HHAT: variants seen among roughly 807,000 people sequenced by gnomAD.
HHAT encodes protein-cysteine N-palmitoyltransferase HHAT.
In HHAT, 47 loss-of-function variants were observed where a neutral mutation model predicts 70.8. The ratio of observed to expected loss-of-function variants is 0.66; its 90% CI spans 0.53 to 0.85. The LOEUF (loss-of-function observed/expected upper bound fraction) is 0.85, where lower values mean the gene tolerates loss of function less well. Ranked by LOEUF, HHAT falls within the 40% of genes least tolerant of loss-of-function variation. HHAT has a pLI of 0.00. For synonymous variants in HHAT, 228 were observed against 247.6 expected, an observed-to-expected ratio of 0.92 and a Z score of 0.74; for missense variants, 609 against 604.8, an observed-to-expected ratio of 1.01 and a Z score of -0.07.
At chr1:210,572,223 G>A (rs1430511291) in intron 9 of HHAT, among the ~76,000 whole-genome samples, 3 of 152,206 alleles carry the variant, frequency 2.0e-5, no homozygotes, top group Non-Finnish European at 2.9e-5. Flanking sequence ...ATGAGAGGCA[G>A]TTGAAACTGT....
chr1:210,400,923 G>T (rs4844526), intron 5 of HHAT, among the ~76,000 whole-genome samples: 93,922 of 152,104 alleles, frequency 0.62, 29,329 homozygotes, highest in African/African-American at 0.69. Flanking sequence ...GGCATGTGGG[G>T]TGCCAGATGT....
intron 7 of HHAT, among the ~76,000 whole-genome samples, chr1:210,437,432 C>T (rs2093404634): frequency 6.6e-6 from 1 of 151,804 alleles, no homozygotes; most frequent in Admixed American, 6.5e-5. Context: ...TCTCTGGCCC[C>T]TCCAAAACAG....
intron 7 of HHAT, among the ~76,000 whole-genome samples, chr1:210,423,891 G>A (rs2092978796): frequency 6.6e-6 from 1 of 152,060 alleles, no homozygotes; most frequent in African/African-American, 2.4e-5. Flanking sequence ...CTTTTATATT[G>A]ATCTACATGC....
chr1:210,518,341 G>C (rs1285530136), intron 9 of HHAT, among the ~76,000 whole-genome samples: 1 of 151,950 alleles, frequency 6.6e-6, no homozygotes, highest in Non-Finnish European at 1.5e-5. Flanking sequence ...TGTGGTATTT[G>C]TCTTAGTTTG....
intron 7 of HHAT, among the ~76,000 whole-genome samples, chr1:210,430,139 T>C (rs1471832554): frequency 6.6e-6 from 1 of 151,954 alleles, no homozygotes; most frequent in Non-Finnish European, 1.5e-5. Flanking sequence ...GTAATTTTCC[T>C]TTTGGATGCT....
At chr1:210,651,542 G>A (rs1400108984) in intron 11 of HHAT, among the ~76,000 whole-genome samples, 1 of 152,176 alleles carries the variant, frequency 6.6e-6, no homozygotes, top group Non-Finnish European at 1.5e-5. Flanking sequence ...TGCGGCTTAC[G>A]ATGGAACCTC....
rs146235863 is a variant in HHAT at position 210,354,687 on chromosome 1, TTTAA to T, written c.91+5624_91+5627del. Among the ~76,000 whole-genome samples the T allele has an allele frequency of 7.2e-4, 109 of 152,246 alleles. 2 individuals are homozygous for T. In the East Asian group the frequency reaches 0.02, roughly 28 times the overall value. On this transcript the variant is annotated intron_variant, in intron 2 of 11. Transcript: ENST00000261458. ...TCACATATTAAATTCTTATATTCTGTTTAATTGATTTCTCAATCAATTCTTACAT... is the reference window on the plus strand; with the variant it reads ...TCACATATTAAATTCTTATATTCTGTTTGATTTCTCAATCAATTCTTACAT...
At chr1:210,656,155 CAT>C (rs1464890597) in intron 11 of HHAT, among the ~76,000 whole-genome samples, 1 of 152,198 alleles carries the variant, frequency 6.6e-6, no homozygotes, top group African/African-American at 2.4e-5. Flanking sequence ...TCTAGAGTGA[CAT>C]AGACTAAGTC....
intron 7 of HHAT, among the ~76,000 whole-genome samples, chr1:210,447,236 G>A (rs953694986): frequency 6.6e-6 from 1 of 152,196 alleles, no homozygotes; most frequent in African/African-American, 2.4e-5. Flanking sequence ...TATGGTGGTT[G>A]AGAGGAATAG....
chr1:210,453,538 C>A (rs1055022781), intron 7 of HHAT, among the ~76,000 whole-genome samples: 1 of 152,060 alleles, frequency 6.6e-6, no homozygotes, highest in African/African-American at 2.4e-5. Flanking sequence ...CCCCCTTTCT[C>A]TCCTTCCCCC....
chr1:210,373,225 CAGAG>C (rs1284758375), intron 3 of HHAT, among the ~76,000 whole-genome samples: 1 of 151,828 alleles, frequency 6.6e-6, no homozygotes, highest in South Asian at 2.1e-4. Context: ...TAACAAGACT[CAGAG>C]AGAAAGGGGG....
rs1430616111 is a variant in HHAT, at chr1:210,513,188, G to C, written c.1043G>C (p.Arg348Thr). ...GTTGGACTGCATAATTTCTTAATCAGGTAAGCCAATAATTTTTATTTTAGA... is the reference window on the plus strand; with the variant it reads ...GTTGGACTGCATAATTTCTTAATCACGTAAGCCAATAATTTTTATTTTAGA... Reference protein sequence around the residue: ...FDVGLHNFLIRYVYIPVGGSQ... With the variant: ...FDVGLHNFLITYVYIPVGGSQ... The change falls in exon 9 of 12, where the codon AGG becomes ACG. Residue 348 changes from arginine to threonine, a missense_variant and splice_region_variant. Arg to Thr is a moderately conservative substitution (Grantham distance 71). Coordinates refer to ENST00000261458, the MANE Select transcript of HHAT (RefSeq NM_018194.6). The C allele has an allele frequency of 2.0e-6, 3 of 1,480,344 alleles. No individual in the cohort carries two copies. Among genetic ancestry groups the C allele is most frequent in the East Asian group, 4.6e-5 (2 of 43,792 alleles). The allele number at this position is 1,480,344 out of a possible 1,614,324, so 91.7% of individuals were successfully genotyped here.
At chr1:210,639,687 T>C (rs1672613444) in intron 11 of HHAT, among the ~76,000 whole-genome samples, 1 of 152,224 alleles carries the variant, frequency 6.6e-6, no homozygotes, top group East Asian at 1.9e-4. Context: ...GGTAGCTGCA[T>C]TCCCCATTAT....
chr1:210,383,591 T>C (rs2090821206), intron 3 of HHAT, among the ~76,000 whole-genome samples: 1 of 152,134 alleles, frequency 6.6e-6, no homozygotes, highest in African/African-American at 2.4e-5. Context: ...TCCAAACCCA[T>C]AGAATATGCA....
At chr1:210,369,922 T>C (rs2089387738) in intron 3 of HHAT, 1 of 152,338 alleles carries the variant, frequency 6.6e-6, no homozygotes, top group Admixed American at 6.5e-5. Context: ...AAGTGCCATA[T>C]GCGGAGTCTG....
At chr1:210,393,825 C>T (rs748572340) in intron 4 of HHAT, among the ~76,000 whole-genome samples, 15 of 152,094 alleles carry the variant, frequency 9.9e-5, no homozygotes, top group African/African-American at 3.6e-4. Context: ...GCTGGTGGGC[C>T]GGGTTCTGCC....
chr1:210,437,125 CAG>C (rs2148344528), intron 7 of HHAT, among the ~76,000 whole-genome samples: 1 of 151,966 alleles, frequency 6.6e-6, no homozygotes, highest in African/African-American at 2.4e-5. Context: ...TTTGCTGGCT[CAG>C]AGCACATTCT....
intron 11 of HHAT, among the ~76,000 whole-genome samples, chr1:210,665,825 A>G (rs1292994324): frequency 6.6e-6 from 1 of 152,232 alleles, no homozygotes; most frequent in Non-Finnish European, 1.5e-5. Context: ...AAGTTTGAGA[A>G]TCTGCTAGCT....
intron 9 of HHAT, among the ~76,000 whole-genome samples, chr1:210,552,534 A>G (rs2095535969): frequency 6.6e-6 from 1 of 152,196 alleles, no homozygotes; most frequent in African/African-American, 2.4e-5. Context: ...AGCAAGGGGA[A>G]AATTGGACTG....
Sources: allele counts gnomAD v4.1 joint callset (sites outside exome capture counted in the v4.1 genomes callset), GRCh38; gene constraint gnomAD v4.1.1; transcripts MANE v1.5; gene names NCBI Gene and HGNC (gene_info 2026-07-23, HGNC 2026-07-21).